The following SH2D1A variants were observed in gnomAD, a reference collection of about 807,000 sequenced individuals.
SH2D1A encodes SH2 domain containing 1A.
In SH2D1A, 6 loss-of-function variants were observed where a neutral mutation model predicts 10.1. That is an observed-to-expected ratio of 0.60 (90% CI 0.33 to 1.18). The LOEUF (loss-of-function observed/expected upper bound fraction) is 1.18. Among genes scored for constraint, SH2D1A ranks in the 50% most tolerant of loss-of-function variants. The probability of loss-of-function intolerance (pLI) is 0.04; values close to 1 mark genes in which losing one functional copy is unlikely to be tolerated. For synonymous variants in SH2D1A, 42 were observed against 36.9 expected, an observed-to-expected ratio of 1.14 and a Z score of -0.51; for missense variants, 51 against 97.6, an observed-to-expected ratio of 0.52 and a Z score of 2.01.
chrX:124,361,762 G>A (rs1402989690), intron 1 of SH2D1A, among the ~76,000 whole-genome samples: 2 of 112,120 alleles, frequency 1.8e-5, no homozygotes, highest in Non-Finnish European at 3.8e-5. Context: ...TTTTATCTGA[G>A]GAGATTTCTG....
At chrX:124,362,094 A>T (rs150222718) in intron 1 of SH2D1A, among the ~76,000 whole-genome samples, 2,105 of 112,014 alleles carry the variant, frequency 0.019, 26 homozygotes, top group East Asian at 0.035. Context: ...ACAGTATGGT[A>T]TAGTTATTTG....
chrX:124,356,704 C>T (rs777708695), intron 1 of SH2D1A, among the ~76,000 whole-genome samples: 2 of 112,155 alleles, frequency 1.8e-5, no homozygotes, highest in South Asian at 7.4e-4. Flanking sequence ...TGTGATCCAC[C>T]CACTTCAGCC....
chrX:124,350,895 G>A (rs1397587837), intron 1 of SH2D1A, among the ~76,000 whole-genome samples: 3 of 57,978 alleles, frequency 5.2e-5, no homozygotes, highest in South Asian at 9.7e-4. Flanking sequence ...TTGTATATAA[G>A]ATATAATATA....
chrX:124,371,252 T>C (rs1167168201), intron 3 of SH2D1A, 99 bp from the exon 4 acceptor site: 1 of 557,031 alleles, frequency 1.8e-6, no homozygotes, highest in African/African-American at 2.3e-5. Context: ...TGTGTCATTG[T>C]GAGTTTTATG....
intron 1 of SH2D1A, among the ~76,000 whole-genome samples, chrX:124,364,595 CCT>C (rs1231115217): frequency 9.1e-6 from 1 of 109,607 alleles, no homozygotes; most frequent in Non-Finnish European, 1.9e-5. Context: ...ACCTCCGCCT[CCT>C]GAGTTCAAGC....
intron 1 of SH2D1A, among the ~76,000 whole-genome samples, chrX:124,354,305 G>T (rs192917940): frequency 9.0e-6 from 1 of 111,244 alleles, no homozygotes; most frequent in Non-Finnish European, 1.9e-5. Context: ...GGGAGTCTGG[G>T]TTGATCTCTT....
intron 2 of SH2D1A, among the ~76,000 whole-genome samples, chrX:124,366,411 T>G (rs1270005595): frequency 9.1e-6 from 1 of 110,406 alleles, no homozygotes; most frequent in African/African-American, 3.3e-5. Context: ...TCCTCCCTTA[T>G]GCACAAGGCT....
In SH2D1A at chrX:124,372,679, G is replaced by A. The variant is rs770171322; in HGVS notation, c.*1288G>A. The A allele has an allele frequency of 3.0e-5, 5 of 168,367 alleles. No individual in the cohort carries two copies. The highest frequency in any genetic ancestry group is 1.5e-4 in the African/African-American group (5 of 33,667). The allele number at this position is 168,367 out of a possible 1,213,427, so 13.9% of individuals were successfully genotyped here. On this transcript the variant is annotated 3_prime_UTR_variant, in exon 4 of 4. Coordinates refer to ENST00000371139, the MANE Select transcript of SH2D1A (RefSeq NM_002351.5). Reference sequence around the variant, plus strand: ...TCCATGGGCCATATGAAAAGGCTAAGCTTCACTGTAAAATAATAACTGGGA... The same window carrying A: ...TCCATGGGCCATATGAAAAGGCTAAACTTCACTGTAAAATAATAACTGGGA...
intron 1 of SH2D1A, among the ~76,000 whole-genome samples, chrX:124,350,980 A>G (rs867021581): frequency 2.5e-5 from 1 of 40,735 alleles, no homozygotes; most frequent in Admixed American, 2.7e-4. Context: ...ATAAGATATA[A>G]TATATTATAT....
At chrX:124,348,409 G>A (rs2059999369) in intron 1 of SH2D1A, among the ~76,000 whole-genome samples, 1 of 111,361 alleles carries the variant, frequency 9.0e-6, no homozygotes, top group Non-Finnish European at 1.9e-5. Context: ...GGACAACAGG[G>A]TATAGTGAGA....
Position 124,367,910 on chromosome X carries a change from C to T in SH2D1A, c.201+2086C>T, listed in dbSNP as rs182019323. Among the ~76,000 whole-genome samples, 261 of 111,816 alleles carry T rather than the reference C, an allele frequency of 2.3e-3. 1 individual carries two copies. Among genetic ancestry groups the T allele is most frequent in the Non-Finnish European group, 3.9e-3 (209 of 53,130 alleles). On this transcript the variant is annotated intron_variant, in intron 2 of 3. Coordinates refer to ENST00000371139, the MANE Select transcript of SH2D1A (RefSeq NM_002351.5). ...CATTATTAAAAATGTACTGACATCA[C>T]CCTGTTGACATCAGTGTCTTCAGGC...
At chrX:124,363,348 A>G (rs1458230733) in intron 1 of SH2D1A, among the ~76,000 whole-genome samples, 1 of 111,926 alleles carries the variant, frequency 8.9e-6, no homozygotes, top group Non-Finnish European at 1.9e-5. Context: ...TTTAATTCAT[A>G]TATTTTTTAC....
In SH2D1A at chrX:124,373,030, T is replaced by C. The variant is rs981998871; in HGVS notation, c.*1639T>C. ...TTTTAACTCTATAATGTGTTCATTC[T>C]GGAATAATCCTAAACATATGAATTA... On this transcript the variant is annotated 3_prime_UTR_variant, in exon 4 of 4. Transcript: ENST00000371139. 2 of 156,872 alleles carry C rather than the reference T, an allele frequency of 1.3e-5. No homozygotes were observed. The highest frequency in any genetic ancestry group is 9.7e-5 in the East Asian group (1 of 10,296). 12.9% of individuals were successfully genotyped at this position (156,872 alleles called of 1,213,427 possible). A position where few individuals can be genotyped will look rare whatever the true frequency, so the allele number is the denominator to read the frequency against.
intron 1 of SH2D1A, among the ~76,000 whole-genome samples, chrX:124,349,276 T>C (rs1420047190): frequency 8.9e-6 from 1 of 112,002 alleles, no homozygotes; most frequent in African/African-American, 3.2e-5. Flanking sequence ...AGAGGGAAGA[T>C]ATGAGGATAC....
chrX:124,362,348 G>T (rs2060041921), intron 1 of SH2D1A, among the ~76,000 whole-genome samples: 1 of 112,402 alleles, frequency 8.9e-6, no homozygotes, highest in Non-Finnish European at 1.9e-5. Context: ...CTTTTCCAGT[G>T]AACCTGAAGG....
intron 1 of SH2D1A, among the ~76,000 whole-genome samples, chrX:124,364,168 G>C (rs913418984): frequency 2.7e-5 from 3 of 110,768 alleles, no homozygotes; most frequent in African/African-American, 9.8e-5. Flanking sequence ...ACAGCTCCGT[G>C]TGTGTGACTG....
rs151144212 is a variant in SH2D1A at position 124,354,760 on chromosome X, A to G, written c.137+7981A>G. Among the ~76,000 whole-genome samples the G allele has an allele frequency of 3.4e-3, 378 of 112,526 alleles. 1 individual carries two copies. Among genetic ancestry groups the G allele is most frequent in the African/African-American group, 0.011 (349 of 31,001 alleles). Reference sequence around the variant, plus strand: ...AATAAAAGCTCTATAAATAATTGTAATACAAAGTTAGAACATCATAAGTAT... The same window carrying G: ...AATAAAAGCTCTATAAATAATTGTAGTACAAAGTTAGAACATCATAAGTAT... On this transcript the variant is annotated intron_variant, in intron 1 of 3. Transcript: ENST00000371139.
At chrX:124,364,505 C>T (rs55941348) in intron 1 of SH2D1A, 5 of 221,899 alleles carry the variant, frequency 2.3e-5, no homozygotes, top group Non-Finnish European at 4.2e-5. Flanking sequence ...ATTATTGAAG[C>T]GATACAGTTT....
intron 1 of SH2D1A, among the ~76,000 whole-genome samples, chrX:124,358,248 C>T (rs929890125): frequency 2.7e-5 from 3 of 111,457 alleles, no homozygotes; most frequent in African/African-American, 9.8e-5. Flanking sequence ...AGGTTAGTTC[C>T]ATTTTTTTCA....
Sources: allele counts gnomAD v4.1 joint callset (sites outside exome capture counted in the v4.1 genomes callset), GRCh38; gene constraint gnomAD v4.1.1; transcripts MANE v1.5; gene names NCBI Gene and HGNC (gene_info 2026-07-23, HGNC 2026-07-21).